Variants in CLCNKA observed in about 807,000 individuals in gnomAD.
The protein encoded by CLCNKA is chloride channel protein ClC-Ka.
Under a neutral mutation model 83.3 loss-of-function variants are expected in CLCNKA, and 66 were observed. The observed-to-expected ratio is 0.79, with a 90% CI of 0.65 to 0.97. The LOEUF (loss-of-function observed/expected upper bound fraction) is 0.97. Ranked by LOEUF, CLCNKA falls within the 50% of genes least tolerant of loss-of-function variation. CLCNKA has a pLI of 0.00. For synonymous variants in CLCNKA, 357 were observed against 370.4 expected (o/e 0.96, Z 0.42); for missense variants, 806 against 888.7 (o/e 0.91, Z 1.18).
At chr1:16,033,527 A>G (rs2022720876) in intron 19 of CLCNKA, 84 bp from the exon 20 acceptor site, 1 of 1,165,898 alleles carries the variant, frequency 8.6e-7, no homozygotes. Context: ...CTGGAAATGA[A>G]CCTTAGGGGA....
At chr1:16,026,445 G>A in intron 5 of CLCNKA, 91 bp from the exon 6 acceptor site, 1 of 1,563,662 alleles carries the variant, frequency 6.4e-7, no homozygotes, top group Non-Finnish European at 8.8e-7. Context: ...GGGTTGGGGA[G>A]ATGGAGGAGG....
rs2022737559 is a variant in CLCNKA at position 16,033,771 on chromosome 1, A to T, written c.*113A>T. The T allele has an allele frequency of 9.6e-7, 1 of 1,046,600 alleles. No individual in the cohort carries two copies. 64.8% of individuals were successfully genotyped at this position (1,046,600 alleles called of 1,614,324 possible). ...CTGCCCCTCCCTCCAGCCCAGCTCC[A>T]TTCTTTGGCATAACAGGCAACTCTA... On this transcript the variant is annotated 3_prime_UTR_variant, in exon 20 of 20. Transcript: ENST00000331433.
rs781124758 is a variant in CLCNKA, at chr1:16,030,463, G to T, written c.1411G>T (p.Ala471Ser). The T allele has an allele frequency of 6.2e-7, 1 of 1,612,598 alleles. No homozygotes were observed. Among genetic ancestry groups the T allele is most frequent in the Non-Finnish European group, 8.5e-7 (1 of 1,179,910 alleles). The change falls in exon 15 of 20, where the codon GCT becomes TCT. Residue 471 changes from alanine to serine, a missense_variant and splice_region_variant. Transcript: ENST00000331433. The part of the protein sequence containing the change: ...IMPGGYALAG[A>S]AAFSGAVTHT... ...CCTGTGTGGCTCTGCCCCGGCAGGG[G>T]CTGCAGCCTTCTCAGGGGCTGTGAC...
chr1:16,027,209 G>A, intron 7 of CLCNKA, 101 bp from the exon 8 acceptor site: 1 of 1,539,240 alleles, frequency 6.5e-7, no homozygotes. Context: ...CTGTAGGACA[G>A]CAGGACAGAT....
In CLCNKA at chr1:16,033,233, G is replaced by A; in HGVS notation, c.1993G>A (p.Val665Met). Residue 665 changes from valine to methionine, a missense_variant, in exon 19 of 20, where the codon GTG (valine) becomes ATG (methionine). By Grantham distance (21) the Val-to-Met change is conservative (BLOSUM62 1). Transcript: ENST00000331433. Reference sequence around the variant, plus strand: ...CTTCGTGACATCGCGGGGCAGAGCTGTGGGCTGCGTGTCCTGGGTGGAGGT... The same window carrying A: ...CTTCGTGACATCGCGGGGCAGAGCTATGGGCTGCGTGTCCTGGGTGGAGGT... The part of the protein sequence containing the change: ...SLFVTSRGRA[V>M]GCVSWVEMKK... 6.2e-7 allele frequency: 1 copy of A among 1,614,128 alleles called. No individual in the cohort carries two copies. The highest frequency in any genetic ancestry group is 8.5e-7 in the Non-Finnish European group (1 of 1,180,000).
Position 16,033,215 on chromosome 1 carries a change from A to C in CLCNKA, c.1975A>C (p.Thr659Pro). The C allele has an allele frequency of 6.2e-7, 1 of 1,614,100 alleles. No homozygotes were observed. Among genetic ancestry groups the C allele is most frequent in the Non-Finnish European group, 8.5e-7 (1 of 1,179,998 alleles). Residue 659 changes from threonine (T) to proline (P), a missense_variant, in exon 19 of 20, where the codon ACA (threonine) becomes CCA (proline). Physicochemically the swap from Thr to Pro is conservative, Grantham distance 38. Transcript: ENST00000331433. The stretch of plus-strand genomic sequence containing the variant: ...GTTGAACCTTCAGTCCCTCTTCGTG[A>C]CATCGCGGGGCAGAGCTGTGGGCTG... ...KLLNLQSLFV[T>P]SRGRAVGCVS...
chr1:16,032,293 T>G lies in CLCNKA; in HGVS notation c.1845+2T>G, dbSNP rs2022655917. Reference sequence around the variant, plus strand: ...CCTTCCAGGGCTCCAGGACACCAGGTGGTTACTCCTGAGGGGCGTGGGGAT... The same window carrying G: ...CCTTCCAGGGCTCCAGGACACCAGGGGGTTACTCCTGAGGGGCGTGGGGAT... On this transcript the variant is annotated splice_donor_variant, in intron 17 of 19. Coordinates refer to ENST00000331433, the MANE Select transcript of CLCNKA (RefSeq NM_004070.4). LOFTEE classifies it high-confidence loss of function. 1 of 1,259,402 alleles carries G rather than the reference T, an allele frequency of 7.9e-7. No homozygotes were observed. Among genetic ancestry groups the G allele is most frequent in the Non-Finnish European group, 1.1e-6 (1 of 923,800 alleles). The allele number at this position is 1,259,402 out of a possible 1,614,324, so 78.0% of individuals were successfully genotyped here.
chr1:16,026,289 C>CCAAA, intron 5 of CLCNKA, 42 bp downstream of exon 5: 1 of 1,605,710 alleles, frequency 6.2e-7, no homozygotes, highest in Non-Finnish European at 8.5e-7. Context: ...CCCGCCCACC[C>CCAAA]TACCCTGCCC....
chr1:16,028,361 C>T (rs2022469874), intron 10 of CLCNKA, among the ~76,000 whole-genome samples: 1 of 152,094 alleles, frequency 6.6e-6, no homozygotes, highest in Admixed American at 6.5e-5. Context: ...AAACCCCACC[C>T]CCTCACTGAG....
At chr1:16,023,974 G>C (rs373809016) in intron 3 of CLCNKA, 46 bp downstream of exon 3, 3 of 1,611,702 alleles carry the variant, frequency 1.9e-6, no homozygotes, top group Non-Finnish European at 1.7e-6. Flanking sequence ...GGGATTCTAG[G>C]CACGCTCTGG....
intron 13 of CLCNKA, 23 bp from the exon 14 acceptor site, chr1:16,029,942 C>T: frequency 6.2e-7 from 1 of 1,603,572 alleles, no homozygotes; most frequent in Non-Finnish European, 8.5e-7. Flanking sequence ...CCTGGCTCCC[C>T]CTCACCCTAA....
rs1420291891 is a variant in CLCNKA at position 16,024,951 on chromosome 1, C to T, written c.358+60C>T. On this transcript the variant is annotated intron_variant, in intron 4 of 19. Transcript: ENST00000331433. ...CAAAACCTTCTCAGATCCCAGGGGG[C>T]TTCTGATGGGGGGAATCGGGAAGCT... 11 of 1,605,096 alleles carry T rather than the reference C, an allele frequency of 6.9e-6. No individual in the cohort carries two copies. The Admixed American group carries it at 1.2e-4, about 17-fold the overall frequency.
chr1:16,032,202 G>T lies in CLCNKA; in HGVS notation c.1757-1G>T, dbSNP rs1219945707. 1 of 1,612,340 alleles carries T rather than the reference G, an allele frequency of 6.2e-7. No homozygotes were observed. The highest frequency in any genetic ancestry group is 1.3e-5 in the African/African-American group (1 of 74,996). On this transcript the variant is annotated splice_acceptor_variant, in intron 16 of 19. Transcript: ENST00000331433. LOFTEE classifies it high-confidence loss of function. The stretch of plus-strand genomic sequence containing the variant: ...CCTCCCTCTCCCTCTCTACTTGCCA[G>T]AGTCCCAGATCCTGGTAGGCATCGT...
rs200509489 is a variant in CLCNKA, at chr1:16,023,922, G to A, written c.223G>A (p.Val75Ile). 1.2e-6 allele frequency: 2 copies of A among 1,613,974 alleles called. No individual in the cohort carries two copies. The highest frequency in any genetic ancestry group is 1.7e-5 in the Admixed American group (1 of 60,016). The change falls in exon 3 of 20, where the codon GTC (valine) becomes ATC (isoleucine). Residue 75 changes from valine (V) to isoleucine (I), a missense_variant. Physicochemically the swap from Val to Ile is conservative, Grantham distance 29. Coordinates refer to ENST00000331433, the MANE Select transcript of CLCNKA (RefSeq NM_004070.4). The stretch of plus-strand genomic sequence containing the variant: ...CATGAACTTTGCCATCGGGTGTGTG[G>A]TCCGAGGTAACTCTTCCCTGGCAGG... ...YAMNFAIGCV[V>I]RAHQWLYREI...
intron 8 of CLCNKA, among the ~76,000 whole-genome samples, 157 bp from the exon 9 acceptor site, chr1:16,027,664 C>T (rs1394136865): frequency 7.2e-5 from 11 of 152,150 alleles, no homozygotes; most frequent in Admixed American, 7.2e-4. Context: ...TGAGGCTGGG[C>T]AGGGAGGCAA....
At chr1:16,029,520 G>T (rs575118291) in intron 12 of CLCNKA, among the ~76,000 whole-genome samples, 1 of 152,202 alleles carries the variant, frequency 6.6e-6, no homozygotes, top group African/African-American at 2.4e-5. Flanking sequence ...AGGCAGAGAA[G>T]GAAGAAAGGA....
intron 4 of CLCNKA, among the ~76,000 whole-genome samples, chr1:16,025,427 T>C (rs191036688): frequency 6.6e-6 from 1 of 152,310 alleles, no homozygotes; most frequent in Non-Finnish European, 1.5e-5. Flanking sequence ...ATCCCAGCAC[T>C]TTGGGAGGTG....
At chr1:16,024,985 A>C in intron 4 of CLCNKA, 94 bp downstream of exon 4, 1 of 1,534,460 alleles carries the variant, frequency 6.5e-7, no homozygotes, top group Non-Finnish European at 9.0e-7. Flanking sequence ...CTGCAGCCTC[A>C]TTTCTCAAGC....
At chr1:16,028,522 T>C (rs1030208604) in intron 10 of CLCNKA, 5 of 667,508 alleles carry the variant, frequency 7.5e-6, no homozygotes, top group African/African-American at 7.0e-5. Context: ...AATTCTCCTC[T>C]CAATCTCCTG....
Sources: allele counts gnomAD v4.1 joint callset (sites outside exome capture counted in the v4.1 genomes callset), GRCh38; gene constraint gnomAD v4.1.1; transcripts MANE v1.5; gene names NCBI Gene and HGNC (gene_info 2026-07-23, HGNC 2026-07-21).